The following LLGL2 variants were observed in gnomAD, a reference collection of about 807,000 sequenced individuals.
LLGL2 encodes the protein LLGL scribble cell polarity complex component 2, also known as LLGL2, scribble cell polarity complex component.
LLGL2 carries 81 observed loss-of-function variants against 123.2 expected under a neutral mutation model. The ratio of observed to expected loss-of-function variants is 0.66; its 90% CI spans 0.55 to 0.79. The LOEUF is 0.79. Ranked by LOEUF, LLGL2 falls within the 30% of genes least tolerant of loss-of-function variation. The pLI is 0.00. For synonymous variants in LLGL2, 577 were observed against 594.1 expected (o/e 0.97, Z 0.42); for missense variants, 1,273 against 1,414.6 (o/e 0.90, Z 1.61).
At chr17:75,569,557 C>T (rs1052460455) in intron 14 of LLGL2, among the ~76,000 whole-genome samples, 11 of 152,174 alleles carry the variant, frequency 7.2e-5, no homozygotes. Context: ...AATCCCAGCA[C>T]TTTGGGAGAC....
At chr17:75,573,418 C>A (rs895143338) in intron 20 of LLGL2, 63 bp from the exon 21 acceptor site, 3 of 1,576,692 alleles carry the variant, frequency 1.9e-6, no homozygotes, top group East Asian at 4.5e-5. Flanking sequence ...CCTACTCCCC[C>A]AGGTGGGGAG....
Position 75,571,728 on chromosome 17 carries a change from C to T in LLGL2, c.2238C>T (p.Ser746=), listed in dbSNP as rs2055717682. The T allele has an allele frequency of 6.2e-7, 1 of 1,609,546 alleles. No individual in the cohort carries two copies. Among genetic ancestry groups the T allele is most frequent in the Non-Finnish European group, 8.5e-7 (1 of 1,179,990 alleles). Residue 746 remains serine, a synonymous_variant, in exon 18 of 26, where the codon TCC becomes TCT. Coordinates refer to ENST00000392550, the MANE Select transcript of LLGL2 (RefSeq NM_001031803.2). ...GTNGGTIYAF[S]LRVPPAERRM... is the part of the protein sequence containing the mutation. Reference sequence around the variant, plus strand: ...ATGGGGGCACCATCTATGCCTTCTCCCTGCGTGTGCCTCCCGCCGAGCGGA... The same window carrying T: ...ATGGGGGCACCATCTATGCCTTCTCTCTGCGTGTGCCTCCCGCCGAGCGGA...
At chr17:75,542,437 T>C (rs990477721) in intron 1 of LLGL2, among the ~76,000 whole-genome samples, 6 of 152,034 alleles carry the variant, frequency 3.9e-5, no homozygotes, top group African/African-American at 1.2e-4. Flanking sequence ...GGGTCTGTGT[T>C]TCCCAAGGAC....
At position 75,549,573 on chromosome 17, in the gene LLGL2, A is replaced by T. The variant is rs907774007; in HGVS notation, c.75+6072A>T. The stretch of plus-strand genomic sequence containing the variant: ...GGCTGGGCCCCTGGTGTCAGGTGAC[A>T]GCAGCCACACAGGGAGGGCCAGGCT... On this transcript the variant is annotated intron_variant, in intron 2 of 25. Coordinates refer to ENST00000392550, the MANE Select transcript of LLGL2 (RefSeq NM_001031803.2). This position sits in a 1 kb window ranked among gnomAD's most constrained non-coding sequence, Gnocchi z 4.0. Among the ~76,000 whole-genome samples the T allele has an allele frequency of 6.6e-6, 1 of 152,154 alleles. No homozygotes were observed. The highest frequency in any genetic ancestry group is 1.5e-5 in the Non-Finnish European group (1 of 68,016).
intron 1 of LLGL2, among the ~76,000 whole-genome samples, chr17:75,529,411 G>T (rs1410514447): frequency 1.3e-5 from 2 of 151,436 alleles, no homozygotes; most frequent in African/African-American, 4.8e-5. Context: ...CATCATGTTG[G>T]CCAGGCTGGT....
intron 8 of LLGL2, 55 bp from the exon 9 acceptor site, chr17:75,563,697 C>G (rs139886019): frequency 2.2e-5 from 35 of 1,595,788 alleles, no homozygotes; most frequent in African/African-American, 1.3e-4. Context: ...CCTGTGGGGA[C>G]TGACACTTGT....
rs1221092458 is a variant in LLGL2 at position 75,543,474 on chromosome 17, C to G, written c.48C>G (p.Leu16=). The G allele has an allele frequency of 1.2e-6, 2 of 1,612,100 alleles. No homozygotes were observed. The highest frequency in any genetic ancestry group is 1.3e-5 in the African/African-American group (1 of 74,994). Residue 16 remains leucine (L), a synonymous_variant, in exon 2 of 26, where the codon CTC becomes CTG. Coordinates refer to ENST00000392550, the MANE Select transcript of LLGL2 (RefSeq NM_001031803.2). Reference sequence around the variant, plus strand: ...GGCATGACCCTGTGCGGGAGAGGCTCAAGCGGGACCTGTTCCAGTTTAACA... The same window carrying G: ...GGCATGACCCTGTGCGGGAGAGGCTGAAGCGGGACCTGTTCCAGTTTAACA... The part of the protein sequence containing the change: ...RPGHDPVRER[L]KRDLFQFNKT...
Position 75,573,242 on chromosome 17 carries a change from G to A in LLGL2, c.2689G>A (p.Gly897Ser), listed in dbSNP as rs768583575. 2 of 1,608,866 alleles carry A rather than the reference G, an allele frequency of 1.2e-6. No homozygotes were observed. The highest frequency in any genetic ancestry group is 8.5e-7 in the Non-Finnish European group (1 of 1,176,678). Residue 897 changes from glycine (G) to serine (S), a missense_variant, in exon 20 of 26, where the codon GGC becomes AGC. Physicochemically the swap from Gly to Ser is moderately conservative, Grantham distance 56 (BLOSUM62 0). Transcript: ENST00000392550. ...CTGCATCCGCCGGGAGGACGTCAGTGGCATCGCCTCCTGCGTCTTCACCAA... is the reference window on the plus strand; with the variant it reads ...CTGCATCCGCCGGGAGGACGTCAGTAGCATCGCCTCCTGCGTCTTCACCAA... Reference protein sequence around the residue: ...YSCIRREDVSGIASCVFTKYG... With the variant: ...YSCIRREDVSSIASCVFTKYG...
At chr17:75,543,099 G>A (rs1165366193) in intron 1 of LLGL2, 1 of 212,516 alleles carries the variant, frequency 4.7e-6, no homozygotes, top group African/African-American at 2.3e-5. Context: ...ATTAACCTCA[G>A]GGCCCGCCGG....
At chr17:75,563,220 C>T (rs1260428290) in intron 7 of LLGL2, 42 bp downstream of exon 7, 1 of 1,610,456 alleles carries the variant, frequency 6.2e-7, no homozygotes, top group Admixed American at 1.7e-5. Flanking sequence ...TGTTGCTCTC[C>T]CAGGGCCCCA....
chr17:75,572,980 G>T (rs1382955257), intron 19 of LLGL2, 34 bp from the exon 20 acceptor site: 2 of 1,574,118 alleles, frequency 1.3e-6, no homozygotes, highest in South Asian at 2.3e-5. Flanking sequence ...AACTGGTTTG[G>T]CCATGGGCAT....
intron 1 of LLGL2, chr17:75,532,514 C>T (rs895211956): frequency 6.6e-6 from 1 of 152,236 alleles, no homozygotes; most frequent in African/African-American, 2.4e-5. Flanking sequence ...ACCTCTGCCT[C>T]CCGGGTTCAA....
intron 2 of LLGL2, among the ~76,000 whole-genome samples, chr17:75,552,831 C>T (rs2054737716): frequency 1.3e-5 from 2 of 152,332 alleles, no homozygotes; most frequent in East Asian, 1.9e-4. Flanking sequence ...ACTGCAAGTG[C>T]TTGGTGGCCC....
intron 1 of LLGL2, among the ~76,000 whole-genome samples, chr17:75,529,208 T>C (rs2147066996): frequency 6.6e-6 from 1 of 152,050 alleles, no homozygotes. Flanking sequence ...TTTTCTTTTT[T>C]TTTCTTTGAG....
chr17:75,565,338 G>A (rs1057067147), intron 10 of LLGL2, among the ~76,000 whole-genome samples: 3 of 152,220 alleles, frequency 2.0e-5, no homozygotes, highest in Non-Finnish European at 2.9e-5. Flanking sequence ...TCCTAATGAT[G>A]CTGGCCTGAA....
At chr17:75,572,480 G>A (rs896103062) in intron 19 of LLGL2, among the ~76,000 whole-genome samples, 9 of 152,148 alleles carry the variant, frequency 5.9e-5, no homozygotes, top group Admixed American at 2.0e-4. Context: ...TGGCTAACAC[G>A]GTGAAACCCC....
intron 2 of LLGL2, among the ~76,000 whole-genome samples, chr17:75,545,455 A>G (rs2054382341): frequency 1.3e-5 from 2 of 151,978 alleles, no homozygotes. Context: ...TTGGAAGTGG[A>G]GAGGAGGAAG....
rs759310196 is a variant in LLGL2, at chr17:75,571,796, C to T, written c.2293+13C>T. The T allele has an allele frequency of 1.2e-6, 2 of 1,604,444 alleles. No homozygotes were observed. Among genetic ancestry groups the T allele is most frequent in the South Asian group, 1.1e-5 (1 of 91,018 alleles). ...CGGGCAGAGCAGGGTGAGTGCTGGG[C>T]AGGGAGAGCAGAGGGTGCTCGGGCT... On this transcript the variant is annotated intron_variant, in intron 18 of 25. Transcript: ENST00000392550.
intron 6 of LLGL2, among the ~76,000 whole-genome samples, chr17:75,561,719 G>A (rs994011636): frequency 2.6e-5 from 4 of 152,140 alleles, no homozygotes; most frequent in Non-Finnish European, 5.9e-5. Flanking sequence ...TCAGGAGTTC[G>A]AGACCAGCTT....
Sources: gnomAD v4.1 joint callset for allele counts (sites outside exome capture counted in the v4.1 genomes callset) on GRCh38, gnomAD v4.1.1 for gene constraint, Gnocchi (gnomAD v3.1) non-coding constraint, MANE v1.5 for transcripts, NCBI Gene and HGNC (gene_info 2026-07-23, HGNC 2026-07-21) for gene names.